The following WDR3 variants were observed in gnomAD, a reference collection of about 807,000 sequenced individuals.
WDR3 encodes WD repeat-containing protein 3.
In WDR3, 81 loss-of-function variants were observed where a neutral mutation model predicts 123.7. That is an observed-to-expected ratio of 0.65 (90% CI 0.55 to 0.79). WDR3 has a LOEUF of 0.79. Ranked by LOEUF, WDR3 falls within the 30% of genes least tolerant of loss-of-function variation. WDR3 has a pLI of 0.00. For synonymous variants in WDR3, 390 were observed against 388.8 expected (o/e 1.00, Z -0.04); for missense variants, 1,027 against 1,123.2 (o/e 0.91, Z 1.22).
At position 117,953,015 on chromosome 1, in the gene WDR3, C is replaced by G. The variant is rs1651696285; in HGVS notation, c.2202+19C>G. 4 of 1,612,004 alleles carry G rather than the reference C, an allele frequency of 2.5e-6. No homozygotes were observed. The highest frequency in any genetic ancestry group is 3.4e-6 in the Non-Finnish European group (4 of 1,178,766). On this transcript the variant is annotated intron_variant, in intron 20 of 26. Transcript: ENST00000349139. Reference sequence around the variant, plus strand: ...ACCAGCAGTAAGTAAATTTTGGGGACCTTGAGATTATGCCCCATATATAGT... The same window carrying G: ...ACCAGCAGTAAGTAAATTTTGGGGAGCTTGAGATTATGCCCCATATATAGT...
At position 117,933,178 on chromosome 1, in the gene WDR3, T is replaced by G. The variant is rs1650795257; in HGVS notation, c.-32-110T>G. On this transcript the variant is annotated intron_variant, in intron 1 of 26. Transcript: ENST00000349139. ...AGGATCCCACCACTGCACTCCAGCC[T>G]GGGCAACAGAGTGAGACTCTGTCTC... 6 of 901,232 alleles carry G rather than the reference T, an allele frequency of 6.7e-6. No individual in the cohort carries two copies. In the South Asian group the frequency reaches 1.1e-4, roughly 17 times the overall value. The allele number at this position is 901,232 out of a possible 1,614,324, so 55.8% of individuals were successfully genotyped here. A position where few individuals can be genotyped will look rare whatever the true frequency, so the allele number is the denominator to read the frequency against.
chr1:117,947,902 C>T (rs34154653), intron 12 of WDR3, among the ~76,000 whole-genome samples: 1 of 151,806 alleles, frequency 6.6e-6, no homozygotes, highest in South Asian at 2.1e-4. Flanking sequence ...TTTTTAAATT[C>T]ACTGCCTTCC....
At chr1:117,942,578 A>G (rs1290144398) in intron 10 of WDR3, 34 bp downstream of exon 10, 3 of 1,570,876 alleles carry the variant, frequency 1.9e-6, no homozygotes, top group Admixed American at 1.7e-5. Context: ...AGTTATAGAA[A>G]TAGTAAGCTA....
At chr1:117,957,633 G>A (rs1427341981) in intron 25 of WDR3, among the ~76,000 whole-genome samples, 3 of 152,306 alleles carry the variant, frequency 2.0e-5, no homozygotes, top group Non-Finnish European at 4.4e-5. Flanking sequence ...GCCCAGTATG[G>A]CTTTGAATGT....
rs1653101633 is a variant in WDR3, at chr1:117,961,539, T to G, written c.*2092T>G. 1 of 152,208 alleles carries G rather than the reference T, an allele frequency of 6.6e-6. No homozygotes were observed. The highest frequency in any genetic ancestry group is 1.5e-5 in the Non-Finnish European group (1 of 68,046). The allele number at this position is 152,208 out of a possible 1,614,324, so 9.4% of individuals were successfully genotyped here. Reference sequence around the variant, plus strand: ...ACAGTTTTGCTTTTTATCTTTTTTGTTGTTGTTAATCCCAAAGATTTAAAA... The same window carrying G: ...ACAGTTTTGCTTTTTATCTTTTTTGGTGTTGTTAATCCCAAAGATTTAAAA... On this transcript the variant is annotated 3_prime_UTR_variant, in exon 27 of 27. Transcript: ENST00000349139.
At chr1:117,955,954 T>G (rs1278181587) in intron 24 of WDR3, among the ~76,000 whole-genome samples, 1 of 152,200 alleles carries the variant, frequency 6.6e-6, no homozygotes, top group Non-Finnish European at 1.5e-5. Context: ...AGGCATAAGC[T>G]TTTAAAGTTT....
At position 117,936,789 on chromosome 1, in the gene WDR3, G is replaced by A; in HGVS notation, c.402G>A (p.Trp134Ter). ...SGSKDTDIIV[W>*]DVINESGLYR... The stretch of plus-strand genomic sequence containing the variant: ...TTTAGGACACAGATATTATTGTATG[G>A]GATGTGATCAATGAAAGTGGTCTGT... Residue 134 changes from tryptophan to a stop codon, truncating the protein, a stop_gained, in exon 4 of 27, where the codon TGG becomes TGA. Transcript: ENST00000349139. LOFTEE classifies it high-confidence loss of function. 6.2e-7 allele frequency: 1 copy of A among 1,611,676 alleles called. No homozygotes were observed. Among genetic ancestry groups the A allele is most frequent in the Non-Finnish European group, 8.5e-7 (1 of 1,178,538 alleles).
chr1:117,933,576 T>A (rs190617609), intron 2 of WDR3, 86 bp downstream of exon 2: 3 of 1,562,544 alleles, frequency 1.9e-6, no homozygotes, highest in East Asian at 4.5e-5. Flanking sequence ...CTGATTTATT[T>A]ATCATGAGTT....
chr1:117,952,131 T>C (rs1651639867), intron 17 of WDR3, 55 bp downstream of exon 17: 2 of 1,562,032 alleles, frequency 1.3e-6, no homozygotes, highest in South Asian at 2.3e-5. Context: ...GTTATCACTT[T>C]CCTTGAGCAT....
At chr1:117,951,817 G>A (rs533940042) in intron 16 of WDR3, among the ~76,000 whole-genome samples, 159 bp from the exon 17 acceptor site, 3 of 152,222 alleles carry the variant, frequency 2.0e-5, no homozygotes, top group East Asian at 1.9e-4. Context: ...TCCTCTGTAG[G>A]TAAGAGCAAA....
chr1:117,963,772 C>CA lies in WDR3; in HGVS notation c.*4328dup, dbSNP rs1327664630. 4 of 1,588,960 alleles carry CA rather than the reference C, an allele frequency of 2.5e-6. No individual in the cohort carries two copies. The African/African-American group carries it at 5.4e-5, about 22-fold the overall frequency. On this transcript the variant is annotated 3_prime_UTR_variant, in exon 27 of 27. Coordinates refer to ENST00000349139, the MANE Select transcript of WDR3 (RefSeq NM_006784.3). ...ACCTCAAATTTGAATGCTTGACAAT[C>CA]AAATTCCCATTTATTACTTACTGTA...
At chr1:117,956,647 T>C (rs1222465393) in intron 24 of WDR3, among the ~76,000 whole-genome samples, 1 of 152,042 alleles carries the variant, frequency 6.6e-6, no homozygotes, top group East Asian at 1.9e-4. Context: ...GGAACTATTT[T>C]CCCAGATTAA....
intron 10 of WDR3, 42 bp from the exon 11 acceptor site, chr1:117,943,354 T>C: frequency 2.6e-6 from 4 of 1,530,878 alleles, no homozygotes; most frequent in Non-Finnish European, 3.6e-6. Flanking sequence ...CCTTGTGAGC[T>C]AAGATGGTAG....
rs1216505646 is a variant in WDR3, at chr1:117,960,830, A to G, written c.*1383A>G. 2 of 152,248 alleles carry G rather than the reference A, an allele frequency of 1.3e-5. No individual in the cohort carries two copies. The highest frequency in any genetic ancestry group is 4.8e-5 in the African/African-American group (2 of 41,456). The allele number at this position is 152,248 out of a possible 1,614,324, so 9.4% of individuals were successfully genotyped here. A position where few individuals can be genotyped will look rare whatever the true frequency, so the allele number is the denominator to read the frequency against. On this transcript the variant is annotated 3_prime_UTR_variant, in exon 27 of 27. Coordinates refer to ENST00000349139, the MANE Select transcript of WDR3 (RefSeq NM_006784.3). ...TCTGTATTTGTGTGTGTTAATGTTGATAATAGATTTGCGTGTATTTTATGG... is the reference window on the plus strand; with the variant it reads ...TCTGTATTTGTGTGTGTTAATGTTGGTAATAGATTTGCGTGTATTTTATGG...
intron 16 of WDR3, among the ~76,000 whole-genome samples, chr1:117,951,424 T>TCTATTCTG (rs1651604495): frequency 6.6e-6 from 1 of 150,578 alleles, no homozygotes; most frequent in Non-Finnish European, 1.5e-5. Context: ...AAAAAAAAAG[T>TCTATTCTG]CTATTCTGTG....
At chr1:117,951,787 A>G (rs1330806259) in intron 16 of WDR3, among the ~76,000 whole-genome samples, 189 bp from the exon 17 acceptor site, 1 of 152,174 alleles carries the variant, frequency 6.6e-6, no homozygotes, top group Non-Finnish European at 1.5e-5. Context: ...TCGTGCTTTT[A>G]CTTAACAAGC....
intron 3 of WDR3, 119 bp downstream of exon 3, chr1:117,934,801 A>G: frequency 7.3e-6 from 7 of 961,486 alleles, no homozygotes; most frequent in Admixed American, 2.5e-5. Flanking sequence ...ACAAAGTAGT[A>G]TAATGATAGA....
In WDR3 at chr1:117,948,487, T is replaced by C. The variant is rs1325599890; in HGVS notation, c.1505T>C (p.Met502Thr). 1 of 1,613,900 alleles carries C rather than the reference T, an allele frequency of 6.2e-7. No individual in the cohort carries two copies. Among genetic ancestry groups the C allele is most frequent in the Non-Finnish European group, 8.5e-7 (1 of 1,179,900 alleles). Residue 502 changes from methionine to threonine, a missense_variant, in exon 13 of 27, where the codon ATG becomes ACG. Transcript: ENST00000349139. ...GCACATGATGGAGCTTTGTGGTCCATGTCCCTCTCTCCAGATCAGGTAACT... is the reference window on the plus strand; with the variant it reads ...GCACATGATGGAGCTTTGTGGTCCACGTCCCTCTCTCCAGATCAGGTAACT... The part of the protein sequence containing the change: ...IDAHDGALWS[M>T]SLSPDQRGFV...
At chr1:117,943,360 G>T (rs1473813241) in intron 10 of WDR3, 36 bp from the exon 11 acceptor site, 2 of 1,539,602 alleles carry the variant, frequency 1.3e-6, no homozygotes, top group Non-Finnish European at 1.8e-6. Flanking sequence ...GAGCTAAGAT[G>T]GTAGCTAGAA....
Sources: gnomAD v4.1 joint callset for allele counts (sites outside exome capture counted in the v4.1 genomes callset) on GRCh38, gnomAD v4.1.1 for gene constraint, MANE v1.5 for transcripts, NCBI Gene and HGNC (gene_info 2026-07-23, HGNC 2026-07-21) for gene names.